The following PTPRD variants were observed in gnomAD, a reference collection of about 807,000 sequenced individuals.
PTPRD encodes the protein protein tyrosine phosphatase receptor type D, also known as receptor-type tyrosine-protein phosphatase delta.
Under a neutral mutation model 214.5 loss-of-function variants are expected in PTPRD, and 34 were observed. The observed-to-expected ratio is 0.16, with a 90% CI of 0.12 to 0.21. The LOEUF (loss-of-function observed/expected upper bound fraction) is 0.21. Ranked by LOEUF, PTPRD falls within the 10% of genes least tolerant of loss-of-function variation. The pLI is 1.00. For synonymous variants in PTPRD, 1,128 were observed against 845.7 expected (o/e 1.33, Z -5.79); for missense variants, 2,545 against 2,398.7 (o/e 1.06, Z -1.27).
At chr9:8,724,809 G>A (rs751428571) in intron 12 of PTPRD, among the ~76,000 whole-genome samples, 8 of 151,900 alleles carry the variant, frequency 5.3e-5, no homozygotes, top group Admixed American at 1.3e-4. Context: ...GTGACGGCAC[G>A]TGCCAGTAAT....
intron 2 of PTPRD, among the ~76,000 whole-genome samples, chr9:10,344,231 T>C (rs527310242): frequency 5.7e-4 from 87 of 152,044 alleles, no homozygotes; most frequent in Non-Finnish European, 9.3e-4. Context: ...GGATCCAGTT[T>C]CATCTTTCTA....
intron 9 of PTPRD, among the ~76,000 whole-genome samples, chr9:9,336,653 G>A (rs1378134920): frequency 1.3e-5 from 2 of 152,070 alleles, no homozygotes; most frequent in African/African-American, 2.4e-5. Flanking sequence ...TTTGATCCAG[G>A]CAGAAATATG....
intron 14 of PTPRD, among the ~76,000 whole-genome samples, chr9:8,552,835 A>G (rs571904097): frequency 6.1e-4 from 93 of 152,308 alleles, no homozygotes; most frequent in African/African-American, 2.2e-3. Context: ...TCACAAGTAG[A>G]TACTTGGCAA....
chr9:10,431,013 G>A (rs1401796147), intron 2 of PTPRD, among the ~76,000 whole-genome samples: 1 of 151,934 alleles, frequency 6.6e-6, no homozygotes, highest in African/African-American at 2.4e-5. Flanking sequence ...TCATCTGAAT[G>A]CTTATCACAC....
At chr9:8,729,262 C>T (rs2098628581) in intron 12 of PTPRD, among the ~76,000 whole-genome samples, 1 of 152,022 alleles carries the variant, frequency 6.6e-6, no homozygotes, top group South Asian at 2.1e-4. Flanking sequence ...TTTTTTTAAC[C>T]ACTTTAGACT....
chr9:9,747,756 T>G (rs1268702380), intron 6 of PTPRD, among the ~76,000 whole-genome samples: 1 of 152,104 alleles, frequency 6.6e-6, no homozygotes. Context: ...TTTCACCATT[T>G]TGGCCGGGCT....
chr9:8,960,496 A>G (rs556854058), intron 11 of PTPRD, among the ~76,000 whole-genome samples: 1 of 152,282 alleles, frequency 6.6e-6, no homozygotes, highest in South Asian at 2.1e-4. Context: ...ATGGGTACCC[A>G]GAAATCTGAC....
chr9:8,620,805 G>C (rs775670809), intron 14 of PTPRD, among the ~76,000 whole-genome samples: 6 of 151,944 alleles, frequency 3.9e-5, no homozygotes, highest in Non-Finnish European at 8.8e-5. Flanking sequence ...TCTATATTAA[G>C]CCATGGAGGA....
At chr9:9,377,190 A>G (rs17606661) in intron 9 of PTPRD, among the ~76,000 whole-genome samples, 1 of 152,130 alleles carries the variant, frequency 6.6e-6, no homozygotes, top group African/African-American at 2.4e-5. Context: ...GTATGCAAAT[A>G]CATGTCCATA....
chr9:9,907,534 C>G (rs1241766697), intron 5 of PTPRD, among the ~76,000 whole-genome samples: 1 of 151,640 alleles, frequency 6.6e-6, no homozygotes, highest in Non-Finnish European at 1.5e-5. Context: ...GATGTCTATT[C>G]TTCTTCTTCT....
intron 7 of PTPRD, among the ~76,000 whole-genome samples, chr9:9,607,079 C>T (rs1271747090): frequency 1.4e-5 from 2 of 146,858 alleles, no homozygotes; most frequent in East Asian, 4.1e-4. Context: ...CAACACAAAG[C>T]ACGTGGCCTG....
intron 9 of PTPRD, among the ~76,000 whole-genome samples, chr9:9,232,111 G>A: frequency 6.6e-6 from 1 of 152,170 alleles, no homozygotes. Flanking sequence ...AAGTTGCTGT[G>A]TAGAATAAAT....
intron 11 of PTPRD, among the ~76,000 whole-genome samples, chr9:8,783,888 C>T (rs773291102): frequency 2.0e-5 from 3 of 152,152 alleles, no homozygotes; most frequent in Non-Finnish European, 2.9e-5. Context: ...TCAATATTTA[C>T]GCTACCCCTT....
intron 14 of PTPRD, among the ~76,000 whole-genome samples, chr9:8,605,502 G>C (rs2095152213): frequency 6.6e-6 from 1 of 152,156 alleles, no homozygotes; most frequent in South Asian, 2.1e-4. Flanking sequence ...CTTCAGTGAA[G>C]ACTCCTCAGT....
At chr9:9,268,084 C>T (rs931510487) in intron 9 of PTPRD, among the ~76,000 whole-genome samples, 3 of 150,948 alleles carry the variant, frequency 2.0e-5, no homozygotes, top group African/African-American at 7.3e-5. Flanking sequence ...AAAATTGTCT[C>T]TGTTTTTGAT....
intron 5 of PTPRD, among the ~76,000 whole-genome samples, chr9:9,805,876 G>A (rs1565403753): frequency 6.6e-6 from 1 of 152,006 alleles, no homozygotes; most frequent in African/African-American, 2.4e-5. Flanking sequence ...ACTTCTGTAA[G>A]AAGAACAGAA....
chr9:9,417,261 A>G (rs1359547192), intron 8 of PTPRD, among the ~76,000 whole-genome samples: 1 of 152,184 alleles, frequency 6.6e-6, no homozygotes, highest in East Asian at 1.9e-4. Flanking sequence ...TGGTAAAATT[A>G]GAGTTTTAAT....
At chr9:9,077,700 G>A (rs1178876883) in intron 10 of PTPRD, among the ~76,000 whole-genome samples, 2 of 152,042 alleles carry the variant, frequency 1.3e-5, no homozygotes, top group Non-Finnish European at 2.9e-5. Context: ...TTTACTGGGG[G>A]AGGGAGGAGT....
At chr9:9,001,095 G>A (rs2099416471) in intron 11 of PTPRD, among the ~76,000 whole-genome samples, 1 of 151,904 alleles carries the variant, frequency 6.6e-6, no homozygotes, top group Non-Finnish European at 1.5e-5. Flanking sequence ...AAAGGTAGGG[G>A]AATTAATTAA....
Sources: allele counts gnomAD v4.1 joint callset (sites outside exome capture counted in the v4.1 genomes callset), GRCh38; gene constraint gnomAD v4.1.1; transcripts MANE v1.5; gene names NCBI Gene and HGNC (gene_info 2026-07-23, HGNC 2026-07-21).